The following COL6A5 variants were observed in gnomAD, a reference collection of about 807,000 sequenced individuals.
COL6A5 encodes the protein collagen alpha-5(VI) chain.
In COL6A5, 48 loss-of-function variants were observed where a neutral mutation model predicts 65.6. The ratio of observed to expected loss-of-function variants is 0.73; its 90% CI spans 0.58 to 0.93. COL6A5 has a LOEUF of 0.93. Among genes scored for constraint, COL6A5 ranks in the 40% least tolerant of loss-of-function variants. COL6A5 has a pLI of 0.00. For synonymous variants in COL6A5, 291 were observed against 322.8 expected (o/e 0.90, Z 1.05); for missense variants, 914 against 928.3 (o/e 0.98, Z 0.20).
intron 1 of COL6A5, among the ~76,000 whole-genome samples, chr3:130,439,244 C>T (rs1709110278): frequency 2.0e-5 from 3 of 151,950 alleles, no homozygotes; most frequent in Admixed American, 2.0e-4. Flanking sequence ...TGAATCTGGT[C>T]AGGTTATCTC....
chr3:130,409,036 C>T (rs35136572), intron 17 of COL6A5, among the ~76,000 whole-genome samples: 7 of 152,016 alleles, frequency 4.6e-5, no homozygotes, highest in East Asian at 1.9e-4. Flanking sequence ...TAATGGCTAC[C>T]GTATTGATGA....
chr3:130,413,571 A>T, exon 21 of COL6A5: 1 of 1,549,162 alleles, frequency 6.5e-7, no homozygotes. Context: ...GGGGACTCCG[A>T]GGTGTCTCAG....
exon 1 of COL6A5, chr3:130,345,759 C>T (rs1390543113): frequency 2.5e-6 from 1 of 398,676 alleles, no homozygotes; most frequent in Non-Finnish European, 4.4e-6. Context: ...AAAAGACCCT[C>T]TCAGGGCACG....
intron 12 of COL6A5, 59 bp downstream of exon 12, chr3:130,401,913 C>G: frequency 2.5e-6 from 3 of 1,221,032 alleles, no homozygotes; most frequent in Non-Finnish European, 3.5e-6. Context: ...ACAGGTGGGA[C>G]TGAGACTGAG....
At chr3:130,382,290 A>G (rs1345063209) in intron 4 of COL6A5, among the ~76,000 whole-genome samples, 1 of 152,124 alleles carries the variant, frequency 6.6e-6, no homozygotes, top group Admixed American at 6.6e-5. Context: ...ACATGCAGGG[A>G]ATGTAAATTT....
Position 130,445,674 on chromosome 3 carries a change from G to A in COL6A5, c.1332+2108G>A, listed in dbSNP as rs939648000. Among the ~76,000 whole-genome samples the A allele has an allele frequency of 5.3e-5, 8 of 152,194 alleles. No individual in the cohort carries two copies. The East Asian group carries it at 1.5e-3, about 29-fold the overall frequency. ...GGAGTATCATATGAGGCCTGGTGCG[G>A]GGGGGATAATGCCTTTATCTTCGCA... On this transcript the variant is annotated intron_variant, in intron 4 of 7. Coordinates refer to ENST00000512836, the Ensembl canonical transcript of COL6A5.
intron 19 of COL6A5, among the ~76,000 whole-genome samples, 183 bp downstream of exon 19, chr3:130,410,257 T>C (rs765609432): frequency 6.7e-6 from 1 of 148,556 alleles, no homozygotes; most frequent in East Asian, 1.9e-4. Flanking sequence ...TTATGAAGTT[T>C]CTGGCAAGTG....
chr3:130,410,370 A>G lies in COL6A5; in HGVS notation c.4609-101A>G. The G allele has an allele frequency of 7.2e-6, 6 of 831,720 alleles. 1 individual carries two copies. In the South Asian group the frequency reaches 9.5e-5, roughly 13 times the overall value. The allele number at this position is 831,720 out of a possible 1,614,324, so 51.5% of individuals were successfully genotyped here. A position where few individuals can be genotyped will look rare whatever the true frequency, so the allele number is the denominator to read the frequency against. On this transcript the variant is annotated intron_variant and NMD_transcript_variant, in intron 19 of 41. Transcript: ENST00000312481. ...AGAATGATCACAGCATGACATGTTT[A>G]TTCTGCCATTTTAATAGTGCTTGAG...
intron 13 of COL6A5, among the ~76,000 whole-genome samples, chr3:130,404,362 A>G (rs182941082): frequency 5.9e-5 from 9 of 152,324 alleles, no homozygotes; most frequent in Admixed American, 5.9e-4. Flanking sequence ...CCAGTTCCTC[A>G]TCTGGGCAGG....
intron 17 of COL6A5, among the ~76,000 whole-genome samples, chr3:130,409,006 G>T (rs1469756156): frequency 6.6e-6 from 1 of 152,108 alleles, no homozygotes; most frequent in East Asian, 1.9e-4. Context: ...CATTTTATGT[G>T]CTTAATAGCC....
chr3:130,420,738 A>G (rs750860762), intron 25 of COL6A5, among the ~76,000 whole-genome samples: 22 of 146,102 alleles, frequency 1.5e-4, no homozygotes, highest in Non-Finnish European at 3.0e-4. Flanking sequence ...CAAAGATAGT[A>G]TCTCATTGCA....
At chr3:130,454,820 G>T (rs943272911) in intron 4 of COL6A5, among the ~76,000 whole-genome samples, 3 of 152,074 alleles carry the variant, frequency 2.0e-5, no homozygotes, top group African/African-American at 4.8e-5. Flanking sequence ...TGTTCCAAAT[G>T]CTTGTGAGTT....
At chr3:130,406,017 AAGGTACTGG>A in intron 15 of COL6A5, 6 of 1,551,406 alleles carry the variant, frequency 3.9e-6, no homozygotes, top group Non-Finnish European at 5.2e-6. Context: ...TTCTGGACCT[AAGGTACTGG>A]AGTTTTTTCT....
At chr3:130,468,562 A>G (rs1274017485) in intron 5 of COL6A5, among the ~76,000 whole-genome samples, 1 of 152,074 alleles carries the variant, frequency 6.6e-6, no homozygotes, top group Non-Finnish European at 1.5e-5. Context: ...AGGATAGCAA[A>G]TGGGTTTTTT....
At chr3:130,419,042 A>G in intron 25 of COL6A5, 111 bp downstream of exon 25, 1 of 807,890 alleles carries the variant, frequency 1.2e-6, no homozygotes, top group Non-Finnish European at 2.1e-6. Context: ...AAGGTATTTC[A>G]GCATCTAGGA....
exon 6 of COL6A5, chr3:130,469,082 G>T: frequency 6.2e-7 from 1 of 1,612,980 alleles, no homozygotes; most frequent in South Asian, 1.1e-5. Context: ...CCTGGAATTT[G>T]ATTTGGTTAC....
At chr3:130,364,464 C>G (rs1211018633) in intron 1 of COL6A5, among the ~76,000 whole-genome samples, 1 of 152,110 alleles carries the variant, frequency 6.6e-6, no homozygotes, top group Non-Finnish European at 1.5e-5. Flanking sequence ...CATATACACA[C>G]AAATAAACAG....
chr3:130,416,126 A>G (rs1937329462), intron 23 of COL6A5, among the ~76,000 whole-genome samples: 1 of 152,058 alleles, frequency 6.6e-6, no homozygotes, highest in East Asian at 1.9e-4. Flanking sequence ...CTTGATTCCT[A>G]TGTTCACCTC....
At chr3:130,402,735 A>G (rs1310022431) in intron 12 of COL6A5, among the ~76,000 whole-genome samples, 3 of 152,214 alleles carry the variant, frequency 2.0e-5, no homozygotes, top group Non-Finnish European at 4.4e-5. Flanking sequence ...GTGGCTACAT[A>G]GACCTTATAT....
Sources: gnomAD v4.1 joint callset for allele counts (sites outside exome capture counted in the v4.1 genomes callset) on GRCh38, gnomAD v4.1.1 for gene constraint, MANE v1.5 for transcripts, NCBI Gene and HGNC (gene_info 2026-07-23, HGNC 2026-07-21) for gene names.